PIK3C2A: variants seen among roughly 807,000 people sequenced by gnomAD.
PIK3C2A encodes phosphatidylinositol 4-phosphate 3-kinase C2 domain-containing subunit alpha.
In PIK3C2A, 97 loss-of-function variants were observed where a neutral mutation model predicts 204.5. The observed-to-expected ratio is 0.47, with a 90% CI of 0.40 to 0.56. The LOEUF is 0.56. PIK3C2A is among the 20% of genes least tolerant of loss of function. PIK3C2A has a pLI of 0.00. For missense variants in PIK3C2A, 1,735 were observed against 1,969.2 expected, an observed-to-expected ratio of 0.88 and a Z score of 2.25; for synonymous variants, 653 against 664.4, an observed-to-expected ratio of 0.98 and a Z score of 0.26.
rs550417882 is a variant in PIK3C2A at position 17,193,217 on chromosome 11, G to A, written c.-66+14631C>T. ...CAAATAAATTTATTTTCTTTATAAA[G>A]TATCAATCTGTGGTATTGTTACAGC... is the stretch of plus-strand genomic sequence containing the variant. On this transcript the variant is annotated intron_variant, in intron 1 of 32. Coordinates refer to ENST00000691414, the MANE Select transcript of PIK3C2A (RefSeq NM_002645.4). 3.3e-3 allele frequency among the ~76,000 whole-genome samples: 509 copies of A among 152,290 alleles called. 4 individuals carry two copies. Among genetic ancestry groups the A allele is most frequent in the African/African-American group, 0.011 (475 of 41,564 alleles).
At chr11:17,124,156 C>G (rs1207742997) in intron 13 of PIK3C2A, among the ~76,000 whole-genome samples, 1 of 152,076 alleles carries the variant, frequency 6.6e-6, no homozygotes, top group Non-Finnish European at 1.5e-5. Context: ...TGTGAGCCAC[C>G]ACACCGGGCT....
intron 1 of PIK3C2A, among the ~76,000 whole-genome samples, chr11:17,181,583 A>G: frequency 6.9e-6 from 1 of 144,454 alleles, no homozygotes; most frequent in African/African-American, 2.6e-5. Context: ...CCTGGGCAAC[A>G]TGGTGAGATC....
intron 1 of PIK3C2A, among the ~76,000 whole-genome samples, chr11:17,170,347 A>G (rs1426561349): frequency 6.6e-6 from 1 of 152,260 alleles, no homozygotes; most frequent in Non-Finnish European, 1.5e-5. Context: ...TAAAGGTTTA[A>G]TAATCTTCCA....
intron 26 of PIK3C2A, 44 bp from the exon 27 acceptor site, chr11:17,097,308 A>G (rs1207042258): frequency 3.3e-6 from 4 of 1,203,818 alleles, no homozygotes; most frequent in Admixed American, 1.8e-5. Context: ...ATGAGAACAC[A>G]TGGTAAATTC....
chr11:17,168,926 G>C lies in PIK3C2A; in HGVS notation c.816C>G (p.Asp272Glu). ...CCTTAGGCTTACTTAGAGGATCCAA[G>C]TCTAACCAGTCAAATTTACTGATAT... Reference protein sequence around the residue: ...SEDISKFDWLDLDPLSKPKVD... With the variant: ...SEDISKFDWLELDPLSKPKVD... The change falls in exon 2 of 33, where the codon GAC becomes GAG. Residue 272 changes from aspartate to glutamate, a missense_variant. By Grantham distance (45) the Asp-to-Glu change is conservative (BLOSUM62 2). Transcript: ENST00000691414. 6.2e-7 allele frequency: 1 copy of C among 1,614,036 alleles called. No individual in the cohort carries two copies. The highest frequency in any genetic ancestry group is 8.5e-7 in the Non-Finnish European group (1 of 1,179,958).
At chr11:17,152,283 T>C (rs921544850) in intron 3 of PIK3C2A, among the ~76,000 whole-genome samples, 1 of 152,166 alleles carries the variant, frequency 6.6e-6, no homozygotes, top group Non-Finnish European at 1.5e-5. Context: ...CTTGGTACCA[T>C]GGAAGATACC....
chr11:17,138,720 T>C (rs1849958370), intron 8 of PIK3C2A, among the ~76,000 whole-genome samples: 1 of 152,126 alleles, frequency 6.6e-6, no homozygotes, highest in Non-Finnish European at 1.5e-5. Flanking sequence ...AGCTCTGCCA[T>C]TAAAACGTGA....
At chr11:17,144,894 CAAAAAAAAAAAA>C (rs35069519) in intron 8 of PIK3C2A, among the ~76,000 whole-genome samples, 30,370 of 78,496 alleles carry the variant, frequency 0.39, 3,968 homozygotes, top group Middle Eastern at 0.56. Flanking sequence ...GACTCAGCCT[CAAAAAAAAAAAA>C]AAAAAAAAAA....
At chr11:17,185,042 T>C (rs1052242566) in intron 1 of PIK3C2A, among the ~76,000 whole-genome samples, 14 of 152,170 alleles carry the variant, frequency 9.2e-5, no homozygotes, top group African/African-American at 3.4e-4. Flanking sequence ...TATACAGTAA[T>C]GTCCTAGGCC....
intron 1 of PIK3C2A, among the ~76,000 whole-genome samples, chr11:17,185,960 C>T (rs1409419359): frequency 6.6e-6 from 1 of 152,172 alleles, no homozygotes; most frequent in Non-Finnish European, 1.5e-5. Flanking sequence ...TTCAATAGCT[C>T]CTAACTCATT....
At chr11:17,147,711 T>A in intron 5 of PIK3C2A, 83 bp from the exon 6 acceptor site, 1 of 687,302 alleles carries the variant, frequency 1.5e-6, no homozygotes, top group Non-Finnish European at 2.5e-6. Context: ...TGCACCTGCA[T>A]CAGAAATTGA....
At chr11:17,197,044 A>G (rs575760239) in intron 1 of PIK3C2A, among the ~76,000 whole-genome samples, 3 of 152,014 alleles carry the variant, frequency 2.0e-5, no homozygotes, top group East Asian at 3.9e-4. Flanking sequence ...CACACCTATA[A>G]TCCCCGCACT....
intron 1 of PIK3C2A, among the ~76,000 whole-genome samples, chr11:17,174,338 A>C (rs1851270283): frequency 8.6e-6 from 1 of 116,316 alleles, no homozygotes; most frequent in Non-Finnish European, 1.8e-5. Context: ...CTGTAATCCC[A>C]GCACTTTGGG....
chr11:17,167,066 T>C (rs1334766562), intron 2 of PIK3C2A, among the ~76,000 whole-genome samples: 2 of 151,846 alleles, frequency 1.3e-5, no homozygotes, highest in Non-Finnish European at 1.5e-5. Flanking sequence ...AACCTCCTGG[T>C]CTCACACGAT....
intron 2 of PIK3C2A, among the ~76,000 whole-genome samples, chr11:17,168,121 G>C (rs1371926639): frequency 6.6e-6 from 1 of 152,118 alleles, no homozygotes; most frequent in Admixed American, 6.5e-5. Context: ...GTGACAGCCA[G>C]TTCCTTCATT....
chr11:17,206,985 T>C (rs1402183373), intron 1 of PIK3C2A, among the ~76,000 whole-genome samples: 6 of 152,164 alleles, frequency 3.9e-5, no homozygotes, highest in Admixed American at 6.6e-5. Context: ...TCAATTTCTA[T>C]CGGGCCAGTA....
Position 17,102,828 on chromosome 11 carries a change from A to C in PIK3C2A, c.3685T>G (p.Ser1229Ala). 1 of 1,575,834 alleles carries C rather than the reference A, an allele frequency of 6.3e-7. No individual in the cohort carries two copies. The change falls in exon 24 of 33, where the codon TCA (serine) becomes GCA (alanine). Residue 1229 changes from serine to alanine, a missense_variant. Around this residue, in one of 6 missense-constraint regions of PIK3C2A, gnomAD observed 503 missense variants for 669.0 expected, o/e 0.75. Transcript: ENST00000691414. ...NPSEEEYEKA[S>A]ENFIYSCAGC... is the part of the protein sequence containing the mutation. ...GCACAGGAATAGATAAAGTTCTCTG[A>C]AGCCTATAAAAAACATACACAATTA... is the stretch of plus-strand genomic sequence containing the variant.
rs778488917 is a variant in PIK3C2A, at chr11:17,091,422, T to C, written c.4790A>G (p.Lys1597Arg). 29 of 1,613,950 alleles carry C rather than the reference T, an allele frequency of 1.8e-5. No homozygotes were observed. The highest frequency in any genetic ancestry group is 1.6e-4 in the Middle Eastern group (1 of 6,062). ...GTGGTTATCTGGAAGTAGGTATGTT[T>C]TGACATATGGATTTGGGTCAGCTCC... ...EDGADPNPYVKTYLLPDNHKT... is the reference protein window; with the variant it reads ...EDGADPNPYVRTYLLPDNHKT... Residue 1597 changes from lysine (K) to arginine (R), a missense_variant, in exon 32 of 33, where the codon AAA becomes AGA. By Grantham distance (26) the Lys-to-Arg change is conservative (BLOSUM62 2). Around this residue, in one of 6 missense-constraint regions of PIK3C2A, gnomAD observed 503 missense variants for 669.0 expected, o/e 0.75. Transcript: ENST00000691414.
chr11:17,128,278 T>C (rs1482072354), intron 13 of PIK3C2A, among the ~76,000 whole-genome samples: 2 of 151,674 alleles, frequency 1.3e-5, no homozygotes, highest in East Asian at 3.8e-4. Context: ...AGATGCTTTT[T>C]TTTTTTTTTG....
Sources: gnomAD v4.1 joint callset for allele counts (sites outside exome capture counted in the v4.1 genomes callset) on GRCh38, gnomAD v4.1.1 for gene constraint, gnomAD v4.1.1 regional missense constraint, MANE v1.5 for transcripts, NCBI Gene and HGNC (gene_info 2026-07-23, HGNC 2026-07-21) for gene names.